ATP6V1H: variants seen among roughly 807,000 people sequenced by gnomAD.
ATP6V1H encodes V-type proton ATPase subunit H.
ATP6V1H carries 39 observed loss-of-function variants against 71.7 expected under a neutral mutation model. The ratio of observed to expected loss-of-function variants is 0.54; its 90% CI spans 0.42 to 0.71. ATP6V1H has a LOEUF of 0.71. ATP6V1H is among the 30% of genes least tolerant of loss of function. ATP6V1H has a pLI of 0.00. For synonymous variants in ATP6V1H, 192 were observed against 199.3 expected (o/e 0.96, Z 0.31); for missense variants, 509 against 594.9 (o/e 0.86, Z 1.50).
intron 4 of ATP6V1H, 111 bp from the exon 5 acceptor site, chr8:53,817,641 G>A: frequency 1.6e-6 from 1 of 622,200 alleles, no homozygotes; most frequent in South Asian, 2.0e-5. Flanking sequence ...TTTTCAGTGT[G>A]TGTGTATGTG....
rs532718086 is a variant in ATP6V1H at position 53,764,846 on chromosome 8, C to T, written c.1175+4772G>A. On this transcript the variant is annotated intron_variant, in intron 11 of 13. Coordinates refer to ENST00000359530, the MANE Select transcript of ATP6V1H (RefSeq NM_015941.4). ...AGCATGGTGGCTCATGCCTATAATC[C>T]TAGCATTTTGGAAGGCAGAGATGGG... is the stretch of plus-strand genomic sequence containing the variant. Among the ~76,000 whole-genome samples, 30 of 152,222 alleles carry T rather than the reference C, an allele frequency of 2.0e-4. No individual in the cohort carries two copies. The East Asian group carries it at 5.4e-3, about 27-fold the overall frequency.
At chr8:53,727,180 T>A (rs1345347923) in intron 13 of ATP6V1H, among the ~76,000 whole-genome samples, 2 of 152,232 alleles carry the variant, frequency 1.3e-5, no homozygotes, top group Admixed American at 6.5e-5. Context: ...TTCAGGGCCT[T>A]GCCTCCATCA....
rs59062668 is a variant in ATP6V1H, at chr8:53,826,784, TA to T, written c.306+2659del. Among the ~76,000 whole-genome samples, 405 of 144,132 alleles carry T rather than the reference TA, an allele frequency of 2.8e-3. 2 individuals are homozygous for T. Among genetic ancestry groups the T allele is most frequent in the African/African-American group, 8.3e-3 (326 of 39,454 alleles). The allele number at this position is 144,132 out of a possible 152,430, so 94.6% of individuals were successfully genotyped here. On this transcript the variant is annotated intron_variant, in intron 4 of 13. Transcript: ENST00000359530. Reference sequence around the variant, plus strand: ...CAACATGGTAAAACCCCGTCTCTACTAAAAAAAAAAATATAAAAATTAGCCA... The same window carrying T: ...CAACATGGTAAAACCCCGTCTCTACTAAAAAAAAAATATAAAAATTAGCCA...
At chr8:53,792,443 A>C (rs561580288) in intron 9 of ATP6V1H, among the ~76,000 whole-genome samples, 2 of 152,216 alleles carry the variant, frequency 1.3e-5, no homozygotes, top group South Asian at 2.1e-4. Flanking sequence ...GCCGTCCCTC[A>C]CTCACTCAGC....
rs146246921 is a variant in ATP6V1H at position 53,725,654 on chromosome 8, A to T, written c.1392-9630T>A. On this transcript the variant is annotated intron_variant, in intron 13 of 13. Coordinates refer to ENST00000359530, the MANE Select transcript of ATP6V1H (RefSeq NM_015941.4). The stretch of plus-strand genomic sequence containing the variant: ...AAGTTTAACAACATATGACAGAGAA[A>T]ATCTTGAGTGCCCAAAAAGACAGTC... 8.1e-3 allele frequency among the ~76,000 whole-genome samples: 1,227 copies of T among 151,138 alleles called. 3 individuals carry two copies. The highest frequency in any genetic ancestry group is 0.016 in the South Asian group (73 of 4,700).
At chr8:53,751,797 G>A (rs1385718698) in intron 12 of ATP6V1H, among the ~76,000 whole-genome samples, 1 of 151,952 alleles carries the variant, frequency 6.6e-6, no homozygotes, top group Non-Finnish European at 1.5e-5. Flanking sequence ...AGCCTCCTGA[G>A]TAGCTGGGAC....
At chr8:53,825,891 T>A (rs1032011695) in intron 4 of ATP6V1H, among the ~76,000 whole-genome samples, 2 of 151,964 alleles carry the variant, frequency 1.3e-5, no homozygotes, top group African/African-American at 4.8e-5. Flanking sequence ...TTTTTTTTTA[T>A]AAATTAGACT....
intron 13 of ATP6V1H, among the ~76,000 whole-genome samples, chr8:53,742,497 G>A (rs1807448773): frequency 6.6e-6 from 1 of 152,130 alleles, no homozygotes; most frequent in Admixed American, 6.5e-5. Context: ...CCTACTCAGG[G>A]AGGCTTTCTC....
In ATP6V1H at chr8:53,811,110, G is replaced by T; in HGVS notation, c.579+54C>A. On this transcript the variant is annotated intron_variant, in intron 7 of 13. Coordinates refer to ENST00000359530, the MANE Select transcript of ATP6V1H (RefSeq NM_015941.4). The stretch of plus-strand genomic sequence containing the variant: ...CACCTTCAAAATTTTAAGTGTATAT[G>T]ACTCAAAATAATTTATTTTGGGGAT... 2.6e-6 allele frequency: 4 copies of T among 1,513,596 alleles called. No homozygotes were observed. The South Asian group carries it at 3.4e-5, about 13-fold the overall frequency. 93.8% of individuals were successfully genotyped at this position (1,513,596 alleles called of 1,614,324 possible).
In ATP6V1H at chr8:53,825,484, G is replaced by GA. The variant is rs113814158; in HGVS notation, c.306+3959dup. 2.4e-3 allele frequency among the ~76,000 whole-genome samples: 350 copies of GA among 148,088 alleles called. 2 individuals are homozygous for GA. The highest frequency in any genetic ancestry group is 8.1e-3 in the African/African-American group (328 of 40,560). The stretch of plus-strand genomic sequence containing the variant: ...AAGAAAACCTAGGTAAATACTGGGG[G>GA]AAAAAAAAAACTGCGAAGGGAACTA... On this transcript the variant is annotated intron_variant, in intron 4 of 13. Coordinates refer to ENST00000359530, the MANE Select transcript of ATP6V1H (RefSeq NM_015941.4).
intron 13 of ATP6V1H, among the ~76,000 whole-genome samples, chr8:53,731,791 TAGCCCCTTA>T (rs1324804805): frequency 1.3e-5 from 2 of 152,254 alleles, no homozygotes; most frequent in African/African-American, 4.8e-5. Flanking sequence ...ATGGTAGAGG[TAGCCCCTTA>T]GGTGGCTTAG....
Position 53,783,328 on chromosome 8 carries a change from A to G in ATP6V1H, c.871-11161T>C, listed in dbSNP as rs544629542. ...CTTCTAGATTTTCTAGTTTATTTGCATAGAGGTGTTTATAGTATTCTCTGA... is the reference window on the plus strand; with the variant it reads ...CTTCTAGATTTTCTAGTTTATTTGCGTAGAGGTGTTTATAGTATTCTCTGA... On this transcript the variant is annotated intron_variant, in intron 9 of 13. Coordinates refer to ENST00000359530, the MANE Select transcript of ATP6V1H (RefSeq NM_015941.4). Among the ~76,000 whole-genome samples the G allele has an allele frequency of 2.2e-3, 335 of 152,208 alleles. 2 individuals carry two copies. The highest frequency in any genetic ancestry group is 7.8e-3 in the African/African-American group (324 of 41,532).
chr8:53,795,504 A>G (rs768980428), intron 9 of ATP6V1H, 143 bp downstream of exon 9: 2 of 719,316 alleles, frequency 2.8e-6, no homozygotes, highest in Non-Finnish European at 4.6e-6. Context: ...CAAATTAGTG[A>G]TATTTTACTC....
intron 8 of ATP6V1H, among the ~76,000 whole-genome samples, chr8:53,799,254 A>G (rs1028556020): frequency 1.3e-4 from 20 of 152,158 alleles, no homozygotes; most frequent in Non-Finnish European, 2.9e-4. Context: ...ATCATCCTAT[A>G]TATTATTTTA....
At chr8:53,806,510 T>C (rs1198269332) in intron 7 of ATP6V1H, among the ~76,000 whole-genome samples, 4 of 152,140 alleles carry the variant, frequency 2.6e-5, no homozygotes, top group Admixed American at 6.5e-5. Flanking sequence ...GCTTTCAATC[T>C]AATGTGCTTA....
intron 9 of ATP6V1H, among the ~76,000 whole-genome samples, chr8:53,794,112 C>G (rs1442443660): frequency 1.3e-5 from 2 of 152,034 alleles, no homozygotes; most frequent in African/African-American, 4.8e-5. Context: ...TACACCAACA[C>G]AGCGGAAAAT....
intron 4 of ATP6V1H, among the ~76,000 whole-genome samples, chr8:53,827,382 CA>C (rs1230834917): frequency 1.3e-5 from 2 of 150,642 alleles, no homozygotes; most frequent in African/African-American, 4.9e-5. Context: ...GATCCTGTCT[CA>C]AAAAAATAAA....
intron 12 of ATP6V1H, among the ~76,000 whole-genome samples, chr8:53,746,870 C>T (rs574458665): frequency 6.6e-6 from 1 of 152,070 alleles, no homozygotes; most frequent in South Asian, 2.1e-4. Flanking sequence ...GAGTCAAGTA[C>T]TTCATTTATG....
intron 6 of ATP6V1H, among the ~76,000 whole-genome samples, chr8:53,811,450 C>G (rs1279801704): frequency 6.6e-6 from 1 of 152,110 alleles, no homozygotes; most frequent in Non-Finnish European, 1.5e-5. Context: ...AAAAATGGAA[C>G]AATAATAAAC....
Sources: gnomAD v4.1 joint callset for allele counts (sites outside exome capture counted in the v4.1 genomes callset) on GRCh38, gnomAD v4.1.1 for gene constraint, MANE v1.5 for transcripts, NCBI Gene and HGNC (gene_info 2026-07-23, HGNC 2026-07-21) for gene names.